Variants in GPC6 observed in about 807,000 individuals in gnomAD.
The protein encoded by GPC6 is glypican 6.
Under a neutral mutation model 55.2 loss-of-function variants are expected in GPC6, and 14 were observed. The ratio of observed to expected loss-of-function variants is 0.25; its 90% CI spans 0.17 to 0.40. GPC6 has a LOEUF of 0.40. Ranked by LOEUF, GPC6 falls within the 10% of genes least tolerant of loss-of-function variation. The probability of loss-of-function intolerance (pLI) is 1.00; values close to 1 mark genes in which losing one functional copy is unlikely to be tolerated. For missense variants in GPC6, 641 were observed against 708.5 expected, an observed-to-expected ratio of 0.90 and a Z score of 1.08; for synonymous variants, 278 against 259.6, an observed-to-expected ratio of 1.07 and a Z score of -0.68.
intron 3 of GPC6, among the ~76,000 whole-genome samples, chr13:93,890,293 G>A (rs758297951): frequency 2.0e-5 from 3 of 152,044 alleles, no homozygotes; most frequent in Non-Finnish European, 4.4e-5. Context: ...TTTACCTTAG[G>A]TAATTTCTTG....
At chr13:93,783,451 T>C (rs1486279309) in intron 2 of GPC6, among the ~76,000 whole-genome samples, 2 of 152,136 alleles carry the variant, frequency 1.3e-5, no homozygotes, top group Non-Finnish European at 1.5e-5. Flanking sequence ...CCACCAACAG[T>C]GTAAAAGCGT....
intron 6 of GPC6, among the ~76,000 whole-genome samples, chr13:94,325,263 A>G (rs976841869): frequency 2.6e-5 from 4 of 152,194 alleles, no homozygotes; most frequent in East Asian, 1.9e-4. Context: ...AGAGAATTCT[A>G]TGATGAAGCC....
At chr13:93,593,776 A>G (rs1055759141) in intron 2 of GPC6, among the ~76,000 whole-genome samples, 3 of 152,188 alleles carry the variant, frequency 2.0e-5, no homozygotes, top group Non-Finnish European at 4.4e-5. Flanking sequence ...AATATCTTAA[A>G]TCATATAATG....
At chr13:94,401,777 A>G (rs999334851) in intron 8 of GPC6, among the ~76,000 whole-genome samples, 2 of 152,152 alleles carry the variant, frequency 1.3e-5, no homozygotes, top group African/African-American at 2.4e-5. Flanking sequence ...ACTTAAAACT[A>G]TAAAAACCAC....
chr13:94,144,389 C>T (rs1242423831), intron 4 of GPC6, among the ~76,000 whole-genome samples: 1 of 144,164 alleles, frequency 6.9e-6, no homozygotes, highest in Non-Finnish European at 1.5e-5. Context: ...CTCTTTGCCT[C>T]TTAGGTGCTT....
intron 3 of GPC6, among the ~76,000 whole-genome samples, chr13:93,938,222 A>G (rs987306611): frequency 1.3e-5 from 2 of 152,142 alleles, no homozygotes; most frequent in Non-Finnish European, 2.9e-5. Flanking sequence ...ACAGAAGCAA[A>G]CCTAATTTGA....
chr13:93,863,288 C>G (rs74111005), intron 3 of GPC6, among the ~76,000 whole-genome samples: 5,462 of 151,726 alleles, frequency 0.036, 274 homozygotes, highest in East Asian at 0.17. Context: ...CATGGTTTCT[C>G]TCTCCCTACA....
intron 1 of GPC6, among the ~76,000 whole-genome samples, chr13:93,530,820 G>A (rs1468374616): frequency 2.0e-5 from 3 of 152,080 alleles, no homozygotes; most frequent in Non-Finnish European, 4.4e-5. Context: ...AAGACACTAT[G>A]CAAATCTCTC....
At chr13:93,441,793 C>A (rs942697242) in intron 1 of GPC6, among the ~76,000 whole-genome samples, 5 of 152,084 alleles carry the variant, frequency 3.3e-5, no homozygotes, top group African/African-American at 1.2e-4. Flanking sequence ...AATGGTATTG[C>A]CTAGATTCTC....
chr13:94,053,961 A>C (rs919879212), intron 4 of GPC6, among the ~76,000 whole-genome samples: 10 of 152,166 alleles, frequency 6.6e-5, no homozygotes, highest in African/African-American at 2.4e-4. Context: ...AGGGGCTTCA[A>C]AAAAGCAAAT....
rs372391373 is a variant in GPC6, at chr13:93,583,059, G to A, written c.319+37638G>A. Among the ~76,000 whole-genome samples the A allele has an allele frequency of 8.5e-5, 13 of 152,324 alleles. No homozygotes were observed. The East Asian group carries it at 1.2e-3, about 14-fold the overall frequency. ...ACCTTAACAGGTGATTTACTTTATT[G>A]ATCAGTGAAGAGCACCCCAGATAGC... On this transcript the variant is annotated intron_variant, in intron 2 of 8. Coordinates refer to ENST00000377047, the MANE Select transcript of GPC6 (RefSeq NM_005708.5).
At chr13:94,040,878 A>G (rs1467501416) in intron 4 of GPC6, among the ~76,000 whole-genome samples, 1 of 151,922 alleles carries the variant, frequency 6.6e-6, no homozygotes, top group East Asian at 1.9e-4. Context: ...TCCTTACTAC[A>G]TTTCCTTTGA....
At chr13:93,848,508 C>G (rs569701829) in intron 3 of GPC6, among the ~76,000 whole-genome samples, 19 of 152,174 alleles carry the variant, frequency 1.2e-4, no homozygotes, top group African/African-American at 3.4e-4. Flanking sequence ...GGGCATCCTA[C>G]GAATATCTTC....
At chr13:93,380,491 T>A (rs1011399666) in intron 1 of GPC6, among the ~76,000 whole-genome samples, 7 of 152,210 alleles carry the variant, frequency 4.6e-5, no homozygotes, top group African/African-American at 1.7e-4. Context: ...TTGTTCTTCA[T>A]GTTTTCAAAG....
chr13:94,222,751 T>C (rs1890422820), intron 4 of GPC6, among the ~76,000 whole-genome samples: 1 of 152,162 alleles, frequency 6.6e-6, no homozygotes, highest in Admixed American at 6.6e-5. Flanking sequence ...CATTTTCTAA[T>C]AGTCCTTCAT....
intron 3 of GPC6, among the ~76,000 whole-genome samples, chr13:93,962,019 G>T (rs1251541606): frequency 6.6e-6 from 1 of 152,026 alleles, no homozygotes; most frequent in Non-Finnish European, 1.5e-5. Flanking sequence ...ATCATTCCTA[G>T]TCCTCACAAC....
chr13:93,368,170 A>G (rs2139187420), intron 1 of GPC6, among the ~76,000 whole-genome samples: 1 of 152,010 alleles, frequency 6.6e-6, no homozygotes, highest in East Asian at 1.9e-4. Context: ...ATCATTATGC[A>G]ATGTTCTTCT....
intron 1 of GPC6, among the ~76,000 whole-genome samples, chr13:93,536,979 C>T (rs186911608): frequency 3.3e-5 from 5 of 152,220 alleles, no homozygotes; most frequent in Non-Finnish European, 1.5e-5. Context: ...TTGTTATTCC[C>T]TAAACAATTT....
intron 4 of GPC6, among the ~76,000 whole-genome samples, chr13:94,045,890 A>AT (rs1206375504): frequency 6.6e-6 from 1 of 152,020 alleles, no homozygotes; most frequent in East Asian, 1.9e-4. Context: ...TTAACAATAA[A>AT]TTCTTTTCAT....
Sources: gnomAD v4.1 joint callset for allele counts (sites outside exome capture counted in the v4.1 genomes callset) on GRCh38, gnomAD v4.1.1 for gene constraint, MANE v1.5 for transcripts, NCBI Gene and HGNC (gene_info 2026-07-23, HGNC 2026-07-21) for gene names.